The following RASSF3 variants were observed in gnomAD, a reference collection of about 807,000 sequenced individuals.
The protein encoded by RASSF3 is Ras association domain family member 3, also known as ras association domain-containing protein 3.
RASSF3 carries 19 observed loss-of-function variants against 19.9 expected under a neutral mutation model. The ratio of observed to expected loss-of-function variants is 0.96; its 90% CI spans 0.67 to 1.40. The LOEUF is 1.40. Ranked by LOEUF, RASSF3 falls within the 40% of genes most tolerant of loss-of-function variation. The pLI, the probability that RASSF3 is intolerant of heterozygous loss-of-function variation, is 0.00. For missense variants in RASSF3, 306 were observed against 289.8 expected, an observed-to-expected ratio of 1.06 and a Z score of -0.41; for synonymous variants, 110 against 104.2, an observed-to-expected ratio of 1.06 and a Z score of -0.34.
intron 2 of RASSF3, among the ~76,000 whole-genome samples, chr12:64,574,129 C>G (rs923242975): frequency 6.6e-6 from 1 of 151,332 alleles, no homozygotes; most frequent in African/African-American, 2.4e-5. Flanking sequence ...ATGGTGAAAG[C>G]CTGCCTCTAC....
intron 2 of RASSF3, among the ~76,000 whole-genome samples, chr12:64,585,607 T>TC (rs1311538425): frequency 6.8e-6 from 1 of 147,940 alleles, no homozygotes; most frequent in Non-Finnish European, 1.5e-5. Context: ...AGTCCTTTTT[T>TC]TTTTTTTTTT....
intron 2 of RASSF3, 60 bp from the exon 3 acceptor site, chr12:64,688,156 C>T: frequency 8.5e-7 from 1 of 1,177,894 alleles, no homozygotes; most frequent in Non-Finnish European, 1.3e-6. Flanking sequence ...TTTTGATATG[C>T]TTCTTCCCTA....
intron 1 of RASSF3, among the ~76,000 whole-genome samples, chr12:64,513,426 G>C (rs1868339929): frequency 6.7e-6 from 1 of 149,714 alleles, no homozygotes; most frequent in Non-Finnish European, 1.5e-5. Flanking sequence ...CTCCAGCCTG[G>C]GCGACAAGAG....
chr12:64,658,158 C>G (rs528436311), intron 1 of RASSF3, among the ~76,000 whole-genome samples: 51 of 152,270 alleles, frequency 3.3e-4, no homozygotes, highest in African/African-American at 1.2e-3. Context: ...GTCTGGAAAC[C>G]TAATTTAAAG....
intron 1 of RASSF3, among the ~76,000 whole-genome samples, chr12:64,658,950 G>A (rs1872250576): frequency 6.6e-6 from 1 of 152,122 alleles, no homozygotes; most frequent in Admixed American, 6.5e-5. Flanking sequence ...TACACCTGTA[G>A]TCCCAGCTAC....
chr12:64,688,256 T>C lies in RASSF3; in HGVS notation c.260T>C (p.Met87Thr). ...TACACTGGCTTCATTAAAGTACAGA[T>C]GGAACTCTGCAAACCTCCACAGACT... ...GIYTGFIKVQ[M>T]ELCKPPQTSP... The change falls in exon 3 of 5, where the codon ATG becomes ACG. Residue 87 changes from methionine to threonine, a missense_variant. Met to Thr is a moderately conservative substitution (Grantham distance 81). Coordinates refer to ENST00000542104, the MANE Select transcript of RASSF3 (RefSeq NM_178169.4). 6.2e-7 allele frequency: 1 copy of C among 1,614,180 alleles called. No individual in the cohort carries two copies. Among genetic ancestry groups the C allele is most frequent in the African/African-American group, 1.3e-5 (1 of 75,068 alleles).
chr12:64,694,776 G>A lies in RASSF3; in HGVS notation c.581G>A (p.Ser194Asn), dbSNP rs1868330122. ...GTTTCCTGACAGTGGGAAGCCTTCA[G>A]CCTTCCAGAACTACAGAATTTCTTG... ...EHEIGEWEAF[S>N]LPELQNFLRI... The change falls in exon 5 of 5, where the codon AGC becomes AAC. Residue 194 changes from serine to asparagine, a missense_variant. Ser to Asn is a conservative substitution (Grantham distance 46). Transcript: ENST00000542104. 6.2e-7 allele frequency: 1 copy of A among 1,614,184 alleles called. No individual in the cohort carries two copies. The highest frequency in any genetic ancestry group is 8.5e-7 in the Non-Finnish European group (1 of 1,180,010).
intron 1 of RASSF3, among the ~76,000 whole-genome samples, chr12:64,509,185 C>T (rs1259327593): frequency 6.6e-6 from 1 of 152,190 alleles, no homozygotes; most frequent in African/African-American, 2.4e-5. Context: ...GGCGGTGGCT[C>T]ATGCTTGTAA....
chr12:64,530,020 C>T (rs1868672883), upstream of RASSF3, among the ~76,000 whole-genome samples: 1 of 152,082 alleles, frequency 6.6e-6, no homozygotes, highest in Non-Finnish European at 1.5e-5. Context: ...CTTTGTAACC[C>T]CGGAAGTCAT....
rs116663862 is a variant in RASSF3 at position 64,520,924 on chromosome 12, T to A, written c.169+13595T>A. On this transcript the variant is annotated intron_variant, in intron 1 of 5. Coordinates refer to the RASSF3 transcript ENST00000637125. ...AGTGATGTCAAGTGGCTAAACAGCATCCCGAAGGGCTCCAGATGTAGCCTT... is the reference window on the plus strand; with the variant it reads ...AGTGATGTCAAGTGGCTAAACAGCAACCCGAAGGGCTCCAGATGTAGCCTT... 5.7e-3 allele frequency among the ~76,000 whole-genome samples: 872 copies of A among 152,138 alleles called. 3 individuals are homozygous for A. The highest frequency in any genetic ancestry group is 0.02 in the African/African-American group (818 of 41,502).
At chr12:64,627,100 G>A (rs1192256523) in intron 1 of RASSF3, among the ~76,000 whole-genome samples, 1 of 152,184 alleles carries the variant, frequency 6.6e-6, no homozygotes, top group African/African-American at 2.4e-5. Context: ...CTAGATTATA[G>A]ATTATTACAT....
At chr12:64,560,932 A>T (rs897399096) in intron 2 of RASSF3, among the ~76,000 whole-genome samples, 1 of 152,224 alleles carries the variant, frequency 6.6e-6, no homozygotes, top group Admixed American at 6.5e-5. Flanking sequence ...TTGATGGGGC[A>T]TCCTTGAGCC....
At chr12:64,631,611 G>A (rs1250663089) in intron 1 of RASSF3, among the ~76,000 whole-genome samples, 7 of 152,054 alleles carry the variant, frequency 4.6e-5, no homozygotes, top group African/African-American at 1.4e-4. Context: ...TTGCTCTGTC[G>A]CCCAGGCTGG....
intron 1 of RASSF3, among the ~76,000 whole-genome samples, chr12:64,639,549 T>A (rs1327550054): frequency 6.6e-6 from 1 of 152,170 alleles, no homozygotes; most frequent in East Asian, 1.9e-4. Flanking sequence ...ATCAGGTGCC[T>A]TAATTACGAA....
intron 1 of RASSF3, among the ~76,000 whole-genome samples, chr12:64,682,453 G>C (rs954333650): frequency 2.0e-5 from 3 of 151,964 alleles, no homozygotes; most frequent in Non-Finnish European, 4.4e-5. Flanking sequence ...TGTAGTCCCA[G>C]CTACTCGGGA....
At chr12:64,553,421 A>G (rs1869198813) in intron 2 of RASSF3, among the ~76,000 whole-genome samples, 1 of 152,184 alleles carries the variant, frequency 6.6e-6, no homozygotes. Context: ...AAACTACTGC[A>G]AAGAAATTTG....
chr12:64,559,230 C>A (rs1401040344), intron 2 of RASSF3, among the ~76,000 whole-genome samples: 1 of 150,016 alleles, frequency 6.7e-6, no homozygotes, highest in Non-Finnish European at 1.5e-5. Context: ...GGTCCATTTT[C>A]TTTTCTTCTT....
intron 1 of RASSF3, chr12:64,533,508 G>A (rs1868758664): frequency 6.6e-6 from 1 of 152,172 alleles, no homozygotes; most frequent in African/African-American, 2.4e-5. Flanking sequence ...TGTCATCTGA[G>A]TTCATTAATA....
At chr12:64,665,036 C>T (rs1422604775) in intron 1 of RASSF3, among the ~76,000 whole-genome samples, 1 of 152,126 alleles carries the variant, frequency 6.6e-6, no homozygotes, top group African/African-American at 2.4e-5. Context: ...ACCCTTCCAC[C>T]TCTAAAAAGT....
Sources: gnomAD v4.1 joint callset for allele counts (sites outside exome capture counted in the v4.1 genomes callset) on GRCh38, gnomAD v4.1.1 for gene constraint, MANE v1.5 for transcripts, NCBI Gene and HGNC (gene_info 2026-07-23, HGNC 2026-07-21) for gene names.